Variants in ZNF680 observed in about 807,000 individuals in gnomAD.
ZNF680 encodes hypothetical protein FLJ90430.
ZNF680 carries 6 observed loss-of-function variants against 12.1 expected under a neutral mutation model. The ratio of observed to expected loss-of-function variants is 0.49; its 90% CI spans 0.27 to 0.98. ZNF680 has a LOEUF of 0.98. Ranked by LOEUF, ZNF680 falls within the 50% of genes least tolerant of loss-of-function variation. The pLI is 0.12. For synonymous variants in ZNF680, 170 were observed against 199.3 expected, an observed-to-expected ratio of 0.85 and a Z score of 1.24; for missense variants, 561 against 616.3, an observed-to-expected ratio of 0.91 and a Z score of 0.95.
chr7:64,507,066 T>G, the ZNF680 span, among the ~76,000 whole-genome samples: 51 of 151,946 alleles, frequency 3.4e-4, no homozygotes, highest in Non-Finnish European at 3.4e-4. Flanking sequence ...ATATTTATAT[T>G]AATTCTTTTA....
At chr7:64,554,558 A>G (rs1584406185) in intron 1 of ZNF680, among the ~76,000 whole-genome samples, 3 of 151,942 alleles carry the variant, frequency 2.0e-5, no homozygotes, top group East Asian at 1.9e-4. Context: ...GAAAAGGGGG[A>G]AATGTGGGGA....
chr7:64,541,921 T>C (rs1000983738), intron 3 of ZNF680, among the ~76,000 whole-genome samples: 6 of 152,176 alleles, frequency 3.9e-5, no homozygotes, highest in African/African-American at 1.4e-4. Context: ...GTTCTGCCTA[T>C]AAAGGAACCC....
At chr7:64,553,410 G>A (rs1787190696) in intron 1 of ZNF680, among the ~76,000 whole-genome samples, 1 of 151,416 alleles carries the variant, frequency 6.6e-6, no homozygotes, top group African/African-American at 2.4e-5. Flanking sequence ...GGAGAATAGA[G>A]CCTCTTATTT....
At chr7:64,526,735 C>T (rs908385724) in intron 3 of ZNF680, among the ~76,000 whole-genome samples, 5 of 151,990 alleles carry the variant, frequency 3.3e-5, no homozygotes, top group South Asian at 2.1e-4. Context: ...TCTGTCGATA[C>T]CCAATAAAAA....
chr7:64,552,855 G>A (rs1447417429), intron 1 of ZNF680, among the ~76,000 whole-genome samples: 4 of 152,176 alleles, frequency 2.6e-5, no homozygotes, highest in Admixed American at 6.5e-5. Flanking sequence ...ACCAGGCACG[G>A]TGGCTCACGC....
the ZNF680 span, among the ~76,000 whole-genome samples, chr7:64,504,126 T>C: frequency 2.2e-4 from 33 of 152,354 alleles, no homozygotes; most frequent in South Asian, 6.8e-3. Flanking sequence ...TATTATGACC[T>C]CATACTAATA....
At chr7:64,503,662 G>A in the ZNF680 span, among the ~76,000 whole-genome samples, 1 of 152,198 alleles carries the variant, frequency 6.6e-6, no homozygotes, top group Admixed American at 6.5e-5. Flanking sequence ...TTACAGGCGT[G>A]AGCCACTGCA....
downstream of ZNF680, among the ~76,000 whole-genome samples, chr7:64,519,239 T>C (rs951481298): frequency 3.3e-5 from 5 of 151,920 alleles, no homozygotes; most frequent in African/African-American, 1.2e-4. Context: ...TATGGAAACT[T>C]GCTCAACATC....
intron 3 of ZNF680, among the ~76,000 whole-genome samples, chr7:64,542,961 A>C (rs910017755): frequency 1.3e-5 from 2 of 152,316 alleles, no homozygotes; most frequent in South Asian, 2.1e-4. Context: ...GGCCTCCCAA[A>C]GTGCTGGGAT....
At chr7:64,515,280 C>T (rs1791326515), downstream of ZNF680, among the ~76,000 whole-genome samples, 1 of 151,960 alleles carries the variant, frequency 6.6e-6, no homozygotes, top group African/African-American at 2.4e-5. Flanking sequence ...CAGTGCAACA[C>T]ACACACATAC....
At chr7:64,544,197 G>T in intron 2 of ZNF680, 109 bp downstream of exon 2, 1 of 1,437,688 alleles carries the variant, frequency 7.0e-7, no homozygotes, top group South Asian at 1.4e-5. Context: ...CTTGAAAACA[G>T]GGATCTGAAA....
chr7:64,523,555 G>C lies in ZNF680; in HGVS notation c.254-1055C>G, dbSNP rs558888349. Among the ~76,000 whole-genome samples the C allele has an allele frequency of 7.8e-4, 119 of 152,136 alleles. 2 individuals carry two copies. The highest frequency in any genetic ancestry group is 2.8e-3 in the African/African-American group (115 of 41,526). On this transcript the variant is annotated intron_variant, in intron 3 of 3. Transcript: ENST00000309683. ...GAAAATTATCCAAATATATACATATGTAAAATATATATGTAAAATTAACTT... is the reference window on the plus strand; with the variant it reads ...GAAAATTATCCAAATATATACATATCTAAAATATATATGTAAAATTAACTT...
the ZNF680 span, among the ~76,000 whole-genome samples, chr7:64,500,024 C>T: frequency 3.3e-5 from 5 of 152,262 alleles, no homozygotes; most frequent in East Asian, 7.7e-4. Flanking sequence ...TCCAAGCCTC[C>T]GATAAACTCT....
chr7:64,501,576 G>A, the ZNF680 span: 1 of 764,138 alleles, frequency 1.3e-6, no homozygotes, highest in Non-Finnish European at 2.4e-6. Context: ...GAAGTCTGAG[G>A]GGGGCGCAGA....
chr7:64,541,803 C>T (rs1385331426), intron 3 of ZNF680, among the ~76,000 whole-genome samples: 1 of 152,184 alleles, frequency 6.6e-6, no homozygotes, highest in Non-Finnish European at 1.5e-5. Context: ...TGGAGGAAGA[C>T]AGCCATTTAT....
At chr7:64,514,327 T>C in the ZNF680 span, among the ~76,000 whole-genome samples, 1 of 152,240 alleles carries the variant, frequency 6.6e-6, no homozygotes, top group African/African-American at 2.4e-5. Context: ...TGTCTAAATG[T>C]GCACCATCAA....
downstream of ZNF680, among the ~76,000 whole-genome samples, chr7:64,516,924 T>G (rs1236979311): frequency 6.6e-6 from 1 of 152,090 alleles, no homozygotes; most frequent in Non-Finnish European, 1.5e-5. Flanking sequence ...TGGAATGATA[T>G]AGTGACAAAA....
At chr7:64,507,168 T>C in the ZNF680 span, among the ~76,000 whole-genome samples, 1 of 152,170 alleles carries the variant, frequency 6.6e-6, no homozygotes, top group African/African-American at 2.4e-5. Context: ...GACACTATGC[T>C]AGATGAAATA....
chr7:64,539,362 A>G (rs1786365494), intron 3 of ZNF680, among the ~76,000 whole-genome samples: 1 of 143,348 alleles, frequency 7.0e-6, no homozygotes, highest in Non-Finnish European at 1.5e-5. Flanking sequence ...AAAAAAAAAA[A>G]AAAAAAAAAA....
Sources: gnomAD v4.1 joint callset for allele counts (sites outside exome capture counted in the v4.1 genomes callset) on GRCh38, gnomAD v4.1.1 for gene constraint, MANE v1.5 for transcripts, NCBI Gene and HGNC (gene_info 2026-07-23, HGNC 2026-07-21) for gene names.